The following MYOF variants were observed in gnomAD, a reference collection of about 807,000 sequenced individuals.
The protein encoded by MYOF is fer-1-like 3, myoferlin.
A neutral mutation model predicts 284.2 loss-of-function variants in MYOF; 244 were observed. That is an observed-to-expected ratio of 0.86 (90% CI 0.77 to 0.95). MYOF has a LOEUF of 0.95. Ranked by LOEUF, MYOF falls within the 40% of genes least tolerant of loss-of-function variation. The pLI, the probability that MYOF is intolerant of heterozygous loss-of-function variation, is 0.00. For synonymous variants in MYOF, 904 were observed against 919.7 expected (o/e 0.98, Z 0.31); for missense variants, 2,496 against 2,560.6 (o/e 0.97, Z 0.54).
At chr10:93,386,294 CCTTTT>C (rs1014411867) in intron 19 of MYOF, among the ~76,000 whole-genome samples, 1 of 152,052 alleles carries the variant, frequency 6.6e-6, no homozygotes. Context: ...CCTCTTTTTT[CCTTTT>C]CTTAATTTTT....
intron 3 of MYOF, among the ~76,000 whole-genome samples, chr10:93,437,274 TTTC>T (rs1296730857): frequency 2.6e-5 from 4 of 152,164 alleles, no homozygotes; most frequent in Admixed American, 1.3e-4. Context: ...TTTTTTCTTC[TTTC>T]TTCTTCTTCT....
intron 4 of MYOF, among the ~76,000 whole-genome samples, chr10:93,427,750 C>T (rs771646113): frequency 6.6e-6 from 1 of 151,978 alleles, no homozygotes; most frequent in African/African-American, 2.4e-5. Context: ...GTAGCTTTCA[C>T]TACCAACAGA....
chr10:93,469,198 G>A (rs1483745111), intron 1 of MYOF, among the ~76,000 whole-genome samples: 1 of 152,064 alleles, frequency 6.6e-6, no homozygotes, highest in Non-Finnish European at 1.5e-5. Context: ...TCAGGAGTTC[G>A]AGGCCAGCCT....
intron 5 of MYOF, among the ~76,000 whole-genome samples, chr10:93,418,193 G>T (rs1173539648): frequency 1.3e-5 from 2 of 152,124 alleles, no homozygotes; most frequent in African/African-American, 4.8e-5. Flanking sequence ...TGAGCCAAAG[G>T]TCATTGCCCA....
At chr10:93,325,549 G>C (rs1027578685) in intron 46 of MYOF, among the ~76,000 whole-genome samples, 1 of 152,192 alleles carries the variant, frequency 6.6e-6, no homozygotes, top group Non-Finnish European at 1.5e-5. Flanking sequence ...ATCACAGCAA[G>C]AGGGCAGATG....
At chr10:93,358,365 T>C (rs1294532125) in intron 29 of MYOF, among the ~76,000 whole-genome samples, 1 of 152,162 alleles carries the variant, frequency 6.6e-6, no homozygotes, top group Non-Finnish European at 1.5e-5. Flanking sequence ...TGTAAATTAG[T>C]TCCACCATTG....
At chr10:93,425,247 G>GA (rs1848531511) in intron 5 of MYOF, among the ~76,000 whole-genome samples, 1 of 152,102 alleles carries the variant, frequency 6.6e-6, no homozygotes, top group Non-Finnish European at 1.5e-5. Flanking sequence ...AGCCAGGAGG[G>GA]AGAGTTTCAA....
intron 37 of MYOF, among the ~76,000 whole-genome samples, chr10:93,345,094 G>T (rs776974383): frequency 1.3e-5 from 2 of 152,186 alleles, no homozygotes; most frequent in Admixed American, 6.5e-5. Context: ...AACCTAGACA[G>T]AACAAACTCT....
At chr10:93,359,000 AC>A (rs1176839593) in intron 29 of MYOF, among the ~76,000 whole-genome samples, 1 of 152,146 alleles carries the variant, frequency 6.6e-6, no homozygotes, top group Non-Finnish European at 1.5e-5. Context: ...TAGATTATTT[AC>A]TGGGAGCATA....
At chr10:93,327,626 C>A (rs1342336466) in intron 45 of MYOF, among the ~76,000 whole-genome samples, 1 of 151,572 alleles carries the variant, frequency 6.6e-6, no homozygotes, top group Non-Finnish European at 1.5e-5. Context: ...AACCATTAGA[C>A]CATGATGCTT....
At chr10:93,397,140 C>A in intron 15 of MYOF, 107 bp downstream of exon 15, 1 of 989,572 alleles carries the variant, frequency 1.0e-6, no homozygotes, top group Non-Finnish European at 1.5e-6. Context: ...TTATCCTCTC[C>A]TCTGGAAGGA....
At chr10:93,323,629 A>T (rs896179080) in intron 46 of MYOF, 1 of 436,452 alleles carries the variant, frequency 2.3e-6, no homozygotes, top group Non-Finnish European at 4.1e-6. Context: ...CGCCTGGTTA[A>T]TAAAACTGCA....
At position 93,323,288 on chromosome 10, in the gene MYOF, G is replaced by A; in HGVS notation, c.5342C>T (p.Thr1781Ile). ...LGPPGPPFNITPRKAKKYYLR... is the reference protein window; with the variant it reads ...LGPPGPPFNIIPRKAKKYYLR... ...GACTTACTTCTTGGCTTTCCGGGGTGTGATGTTGAAAGGAGGGCCTGGTGG... is the reference window on the plus strand; with the variant it reads ...GACTTACTTCTTGGCTTTCCGGGGTATGATGTTGAAAGGAGGGCCTGGTGG... Residue 1781 changes from threonine to isoleucine, a missense_variant, in exon 47 of 54, where the codon ACA becomes ATA. Around this residue, in one of 3 missense-constraint regions of MYOF, gnomAD observed 2,436 missense variants for 2,480.7 expected, o/e 0.98. Coordinates refer to ENST00000359263, the MANE Select transcript of MYOF (RefSeq NM_013451.4). 1 of 1,614,136 alleles carries A rather than the reference G, an allele frequency of 6.2e-7. No homozygotes were observed. The highest frequency in any genetic ancestry group is 8.5e-7 in the Non-Finnish European group (1 of 1,179,982).
intron 38 of MYOF, 102 bp downstream of exon 38, chr10:93,343,754 T>C: frequency 2.5e-6 from 3 of 1,222,064 alleles, no homozygotes; most frequent in Non-Finnish European, 3.6e-6. Context: ...CTGATGATTA[T>C]AATTGCAACA....
intron 19 of MYOF, among the ~76,000 whole-genome samples, chr10:93,384,948 G>A (rs144668274): frequency 2.0e-4 from 31 of 152,314 alleles, no homozygotes; most frequent in Admixed American, 1.3e-4. Flanking sequence ...GTCTACTGAA[G>A]GGAGCTGATA....
At chr10:93,444,391 AC>A (rs1242361925) in intron 3 of MYOF, among the ~76,000 whole-genome samples, 1 of 152,240 alleles carries the variant, frequency 6.6e-6, no homozygotes, top group Non-Finnish European at 1.5e-5. Context: ...ATAGAAAAGA[AC>A]ATTTCAGATG....
rs760109576 is a variant in MYOF, at chr10:93,323,126, T to C, written c.5408A>G (p.Asp1803Gly). The C allele has an allele frequency of 3.7e-6, 6 of 1,614,170 alleles. No individual in the cohort carries two copies. In the South Asian group the frequency reaches 6.6e-5, roughly 18 times the overall value. The change falls in exon 48 of 54, where the codon GAC becomes GGC. Residue 1803 changes from aspartate (D) to glycine (G), a missense_variant. Physicochemically the swap from Asp to Gly is moderately conservative, Grantham distance 94. Transcript: ENST00000359263. Reference protein sequence around the residue: ...IIWNTKDVILDEKSITGEEMS... With the variant: ...IIWNTKDVILGEKSITGEEMS... ...TTCCTCTCCTGTGATGCTTTTCTCG[T>C]CCAAGATAACGTCCTTGGTGTTCCA...
At position 93,340,170 on chromosome 10, in the gene MYOF, C is replaced by A. The variant is rs538742785; in HGVS notation, c.4327-6G>T. 6.2e-7 allele frequency: 1 copy of A among 1,613,954 alleles called. No homozygotes were observed. Among genetic ancestry groups the A allele is most frequent in the Admixed American group, 1.7e-5 (1 of 60,018 alleles). On this transcript the variant is annotated splice_polypyrimidine_tract_variant and splice_region_variant and intron_variant, in intron 38 of 53. Coordinates refer to ENST00000359263, the MANE Select transcript of MYOF (RefSeq NM_013451.4). ...ATAGTTACCTTTTCTGTCAGCTGCT[C>A]GTGCACATGTCCCGTGAGGAAGAGG... is the stretch of plus-strand genomic sequence containing the variant.
intron 25 of MYOF, among the ~76,000 whole-genome samples, chr10:93,368,946 A>G (rs745917838): frequency 6.6e-6 from 1 of 152,192 alleles, no homozygotes; most frequent in Non-Finnish European, 1.5e-5. Flanking sequence ...ACTTGAGTTA[A>G]AAATAGCATA....
Sources: gnomAD v4.1 joint callset for allele counts (sites outside exome capture counted in the v4.1 genomes callset) on GRCh38, gnomAD v4.1.1 for gene constraint, gnomAD v4.1.1 regional missense constraint, MANE v1.5 for transcripts, NCBI Gene and HGNC (gene_info 2026-07-23, HGNC 2026-07-21) for gene names.